Variants in KDM4B observed in about 807,000 individuals in gnomAD.
KDM4B encodes lysine-specific demethylase 4B.
A neutral mutation model predicts 125.2 loss-of-function variants in KDM4B; 32 were observed. The ratio of observed to expected loss-of-function variants is 0.26; its 90% CI spans 0.19 to 0.34. The LOEUF is 0.34. Ranked by LOEUF, KDM4B falls within the 10% of genes least tolerant of loss-of-function variation. The probability of loss-of-function intolerance (pLI) is 1.00; values close to 1 mark genes in which losing one functional copy is unlikely to be tolerated. For synonymous variants in KDM4B, 721 were observed against 677.9 expected (o/e 1.06, Z -0.99); for missense variants, 1,190 against 1,577.7 (o/e 0.75, Z 4.16).
At chr19:5,072,522 G>C (rs1423314705) in intron 7 of KDM4B, among the ~76,000 whole-genome samples, 1 of 152,226 alleles carries the variant, frequency 6.6e-6, no homozygotes, top group Non-Finnish European at 1.5e-5. Flanking sequence ...TGCAGTCACA[G>C]ACAGGCCGTA....
chr19:5,108,901 G>T (rs901261751), intron 9 of KDM4B, among the ~76,000 whole-genome samples: 1 of 152,128 alleles, frequency 6.6e-6, no homozygotes, highest in South Asian at 2.1e-4. Context: ...TCAGACGGGG[G>T]CCCGTGCCTC....
chr19:5,008,932 T>A (rs1444081494), intron 1 of KDM4B, among the ~76,000 whole-genome samples: 20 of 126,004 alleles, frequency 1.6e-4, no homozygotes, highest in African/African-American at 5.0e-4. Context: ...TTTTTTTTTT[T>A]AAAGACAGAG....
chr19:5,048,990 C>T (rs1293615010), intron 6 of KDM4B, among the ~76,000 whole-genome samples: 1 of 152,130 alleles, frequency 6.6e-6, no homozygotes, highest in Non-Finnish European at 1.5e-5. Context: ...GCCAGCAGCT[C>T]GGTCTCCTGT....
chr19:5,005,971 C>T (rs1280758910), intron 1 of KDM4B, among the ~76,000 whole-genome samples: 3 of 152,146 alleles, frequency 2.0e-5, no homozygotes, highest in South Asian at 2.1e-4. Context: ...CCAGTGGTCT[C>T]GTGCTGCACT....
At position 4,997,871 on chromosome 19, in the gene KDM4B, C is replaced by T. The variant is rs902043527; in HGVS notation, c.-108-18386C>T. Among the ~76,000 whole-genome samples the T allele has an allele frequency of 7.9e-5, 12 of 152,366 alleles. No individual in the cohort carries two copies. The highest frequency in any genetic ancestry group is 4.1e-4 in the South Asian group (2 of 4,830). ...GGGCCCCAGGGCCAGGAGTGAGGGG[C>T]GGACGTGCCACTCTGCACTGCTGTC... On this transcript the variant is annotated intron_variant, in intron 1 of 22. Transcript: ENST00000159111. This position sits in a 1 kb window ranked among gnomAD's most constrained non-coding sequence, Gnocchi z 4.2.
chr19:5,142,767 G>T lies in KDM4B; in HGVS notation c.2551-1200G>T, dbSNP rs1417167893. ...GCGTGTTGTGTGATGGGAGAATTGG[G>T]TATTTACAGTTTAATAACGAGATCT... On this transcript the variant is annotated intron_variant, in intron 18 of 22. Transcript: ENST00000159111. The surrounding 1 kb of genome is among the most constrained non-coding windows in gnomAD (Gnocchi z 5.4). 1.3e-5 allele frequency among the ~76,000 whole-genome samples: 2 copies of T among 152,044 alleles called. No homozygotes were observed. Among genetic ancestry groups the T allele is most frequent in the Non-Finnish European group, 2.9e-5 (2 of 68,004 alleles).
At chr19:5,033,076 C>A in intron 3 of KDM4B, 45 bp downstream of exon 3, 1 of 1,598,632 alleles carries the variant, frequency 6.3e-7, no homozygotes, top group Non-Finnish European at 8.5e-7. Flanking sequence ...TCAGCCTGCG[C>A]CGCGGGCCTG....
At chr19:5,039,425 A>T (rs1025330599) in intron 3 of KDM4B, among the ~76,000 whole-genome samples, 1 of 152,186 alleles carries the variant, frequency 6.6e-6, no homozygotes, top group African/African-American at 2.4e-5. Context: ...ACTGCAGTCC[A>T]GCCTGAGTGA....
chr19:4,976,163 C>T (rs527457269), intron 1 of KDM4B, among the ~76,000 whole-genome samples: 4 of 130,876 alleles, frequency 3.1e-5, no homozygotes, highest in South Asian at 2.7e-4. Flanking sequence ...GCAGGAGAAT[C>T]GCTTGAACCC....
chr19:5,109,910 C>T (rs1029374381), intron 9 of KDM4B, among the ~76,000 whole-genome samples: 16 of 152,168 alleles, frequency 1.1e-4, no homozygotes, highest in African/African-American at 2.9e-4. Context: ...TAAAATACTC[C>T]GTATCCATTT....
intron 2 of KDM4B, among the ~76,000 whole-genome samples, chr19:5,028,235 C>T (rs1306925935): frequency 6.6e-6 from 1 of 152,176 alleles, no homozygotes; most frequent in African/African-American, 2.4e-5. Flanking sequence ...CCTCAGCCCC[C>T]CAGAGTTCTG....
chr19:5,022,263 G>A (rs562045856), intron 2 of KDM4B, among the ~76,000 whole-genome samples: 193 of 152,244 alleles, frequency 1.3e-3, no homozygotes, highest in Non-Finnish European at 2.3e-3. Flanking sequence ...CATCTCCTGG[G>A]GATCAGTGGT....
intron 1 of KDM4B, among the ~76,000 whole-genome samples, chr19:5,007,428 T>C (rs565789313): frequency 1.3e-5 from 2 of 152,224 alleles, no homozygotes; most frequent in Non-Finnish European, 2.9e-5. Flanking sequence ...TTGTTTGTCT[T>C]TTGTTGAGTT....
In KDM4B at chr19:5,133,900, G is replaced by T. The variant is rs1196969560; in HGVS notation, c.1924G>T (p.Gly642Trp). 6.2e-7 allele frequency: 1 copy of T among 1,613,000 alleles called. No homozygotes were observed. Among genetic ancestry groups the T allele is most frequent in the Non-Finnish European group, 8.5e-7 (1 of 1,179,874 alleles). Residue 642 changes from glycine to tryptophan, a missense_variant, in exon 14 of 23, where the codon GGG (glycine) becomes TGG (tryptophan). Gly to Trp is a radical substitution (Grantham distance 184). Around this residue, in one of 7 missense-constraint regions of KDM4B, gnomAD observed 128 missense variants for 137.8 expected, o/e 0.93. Coordinates refer to ENST00000159111, the MANE Select transcript of KDM4B (RefSeq NM_015015.3). ...SSDEEASPFS[G>W]EEDVSDPDAL... ...TCTTCTAGAGGCATCCCCTTTCTCC[G>T]GGGAGGAAGATGTGAGTGACCCGGA...
At chr19:5,126,966 A>G (rs1256191295) in intron 11 of KDM4B, among the ~76,000 whole-genome samples, 1 of 152,186 alleles carries the variant, frequency 6.6e-6, no homozygotes, top group Non-Finnish European at 1.5e-5. Flanking sequence ...CCCCCTCCAC[A>G]GGGCAGCCTG....
chr19:5,047,398 A>T (rs2037059937), intron 5 of KDM4B, 78 bp from the exon 6 acceptor site: 19 of 1,366,858 alleles, frequency 1.4e-5, no homozygotes, highest in Non-Finnish European at 1.7e-5. Flanking sequence ...GACTCTGGGG[A>T]GAATTAGCCT....
At chr19:5,106,376 C>A (rs1225420082) in intron 9 of KDM4B, among the ~76,000 whole-genome samples, 2 of 152,170 alleles carry the variant, frequency 1.3e-5, no homozygotes, top group Non-Finnish European at 2.9e-5. Context: ...GATGAGCTTG[C>A]CTGGAGTGTG....
intron 1 of KDM4B, among the ~76,000 whole-genome samples, chr19:4,978,910 CA>C (rs1389344992): frequency 6.6e-6 from 1 of 152,198 alleles, no homozygotes; most frequent in African/African-American, 2.4e-5. Flanking sequence ...CGTGCCTGGT[CA>C]GGGGCGCAGG....
intron 6 of KDM4B, among the ~76,000 whole-genome samples, chr19:5,068,356 T>C (rs573416768): frequency 5.1e-4 from 78 of 152,332 alleles, no homozygotes; most frequent in African/African-American, 1.9e-3. Context: ...CCCCGTCCTT[T>C]GGACTGGGCT....
Sources: gnomAD v4.1 joint callset for allele counts (sites outside exome capture counted in the v4.1 genomes callset) on GRCh38, gnomAD v4.1.1 for gene constraint, gnomAD v4.1.1 regional missense constraint, Gnocchi (gnomAD v3.1) non-coding constraint, MANE v1.5 for transcripts, NCBI Gene and HGNC (gene_info 2026-07-23, HGNC 2026-07-21) for gene names.